Variants in DDHD2 observed in about 807,000 individuals in gnomAD.
DDHD2 encodes DDHD domain containing 2, also known as triacylglycerol hydrolase DDHD2.
Under a neutral mutation model 91.2 loss-of-function variants are expected in DDHD2, and 62 were observed. The observed-to-expected ratio is 0.68, with a 90% CI of 0.55 to 0.84. The LOEUF (loss-of-function observed/expected upper bound fraction) is 0.84, where lower values mean the gene tolerates loss of function less well. Ranked by LOEUF, DDHD2 falls within the 40% of genes least tolerant of loss-of-function variation. The probability of loss-of-function intolerance (pLI) is 0.00; values close to 1 mark genes in which losing one functional copy is unlikely to be tolerated. For synonymous variants in DDHD2, 271 were observed against 293.9 expected (o/e 0.92, Z 0.80); for missense variants, 740 against 846.9 (o/e 0.87, Z 1.57).
chr8:38,272,820 A>G (rs1412702238), downstream of DDHD2: 2 of 152,234 alleles, frequency 1.3e-5, no homozygotes, highest in African/African-American at 2.4e-5. Flanking sequence ...GGAATATTTC[A>G]TTGGTGTATC....
At chr8:38,268,716 C>G (rs1394129909) in intron 1 of DDHD2, 1 of 1,433,432 alleles carries the variant, frequency 7.0e-7, no homozygotes, top group East Asian at 2.5e-5. Flanking sequence ...ACCCTCCTCT[C>G]TCAATCAGGA....
chr8:38,245,607 C>T, intron 7 of DDHD2, 135 bp from the exon 8 acceptor site: 2 of 794,402 alleles, frequency 2.5e-6, no homozygotes, highest in Non-Finnish European at 2.0e-6. Context: ...ACACATGTTC[C>T]TTTGTCCTCT....
At position 38,237,633 on chromosome 8, in the gene DDHD2, A is replaced by G; in HGVS notation, c.501+6A>G. 5 of 1,496,978 alleles carry G rather than the reference A, an allele frequency of 3.3e-6. No individual in the cohort carries two copies. The highest frequency in any genetic ancestry group is 4.6e-6 in the Non-Finnish European group (5 of 1,096,354). The allele number at this position is 1,496,978 out of a possible 1,614,324, so 92.7% of individuals were successfully genotyped here. ...TTATTTTACACAATCCAAAGGTAAA[A>G]CAAAGCATTTCTCTTGTCGGGATAA... On this transcript the variant is annotated splice_donor_region_variant and intron_variant, in intron 4 of 17. Coordinates refer to ENST00000397166, the MANE Select transcript of DDHD2 (RefSeq NM_015214.3).
chr8:38,263,254 A>G (rs1807175751), downstream of DDHD2: 2 of 306,748 alleles, frequency 6.5e-6, no homozygotes, highest in Non-Finnish European at 9.5e-6. Flanking sequence ...TGTAGGTCCT[A>G]TGGCATCCAT....
chr8:38,267,033 T>C (rs1807720062), downstream of DDHD2: 1 of 1,408,256 alleles, frequency 7.1e-7, no homozygotes, highest in Non-Finnish European at 9.2e-7. Flanking sequence ...TCTAGGCAAA[T>C]AATATAACAA....
Position 38,252,715 on chromosome 8 carries a change from T to G in DDHD2, c.1618-7T>G. On this transcript the variant is annotated splice_polypyrimidine_tract_variant and splice_region_variant and intron_variant, in intron 13 of 17. Transcript: ENST00000397166. ...AGGTAAATGTAGCTCTTGTTTTTCC[T>G]ATGTAGTTTGATCCTGTGGCCTATA... The G allele has an allele frequency of 6.2e-7, 1 of 1,607,414 alleles. No individual in the cohort carries two copies. The highest frequency in any genetic ancestry group is 8.5e-7 in the Non-Finnish European group (1 of 1,174,196).
chr8:38,251,148 G>A (rs1000126308), intron 11 of DDHD2: 7 of 152,214 alleles, frequency 4.6e-5, no homozygotes, highest in Non-Finnish European at 8.8e-5. Context: ...CTGGATTCAA[G>A]TGATTCTCCT....
chr8:38,257,423 A>G (rs1041159966), intron 16 of DDHD2, among the ~76,000 whole-genome samples: 2 of 148,156 alleles, frequency 1.3e-5, no homozygotes, highest in Non-Finnish European at 3.0e-5. Flanking sequence ...TAATTTTTGT[A>G]TTGTTAGTAG....
intron 11 of DDHD2, chr8:38,250,753 TAA>T (rs1190653721): frequency 6.6e-6 from 1 of 152,166 alleles, no homozygotes; most frequent in Non-Finnish European, 1.5e-5. Flanking sequence ...TAGAGTTATG[TAA>T]CCATTACCAC....
intron 3 of DDHD2, among the ~76,000 whole-genome samples, chr8:38,235,041 A>G (rs1804604320): frequency 6.6e-6 from 1 of 152,182 alleles, no homozygotes; most frequent in Non-Finnish European, 1.5e-5. Context: ...GACGGTTTGT[A>G]AAGTAGGTAG....
downstream of DDHD2, chr8:38,273,224 C>G (rs1309522442): frequency 2.6e-5 from 4 of 152,190 alleles, no homozygotes; most frequent in African/African-American, 9.7e-5. Flanking sequence ...TCTCAAACTC[C>G]TGACCTCATG....
In DDHD2 at chr8:38,249,785, C is replaced by T. The variant is rs756016537; in HGVS notation, c.1326C>T (p.Ser442=). 1 of 1,609,880 alleles carries T rather than the reference C, an allele frequency of 6.2e-7. No homozygotes were observed. The highest frequency in any genetic ancestry group is 8.5e-7 in the Non-Finnish European group (1 of 1,176,838). The change falls in exon 11 of 18, where the codon AGC becomes AGT. Residue 442 remains serine (S), a synonymous_variant. Transcript: ENST00000397166. ...GPRKKILNYF[S]TRKNSMGIKR... ...GAAAGAAGATATTAAACTATTTCAG[C>T]ACCAGAAAAAACTCAATGGTATGTG...
intron 1 of DDHD2, chr8:38,268,534 T>C (rs558397843): frequency 6.5e-7 from 1 of 1,536,148 alleles, no homozygotes; most frequent in African/African-American, 1.4e-5. Context: ...GAAAGAGGGA[T>C]GTGACACAGC....
At chr8:38,248,204 C>G (rs1288013299) in intron 10 of DDHD2, among the ~76,000 whole-genome samples, 1 of 152,062 alleles carries the variant, frequency 6.6e-6, no homozygotes, top group Non-Finnish European at 1.5e-5. Flanking sequence ...CGCCACCACG[C>G]CTGGCTAATT....
chr8:38,247,819 T>C lies in DDHD2; in HGVS notation c.1232T>C (p.Val411Ala). Residue 411 changes from valine (V) to alanine (A), a missense_variant, in exon 10 of 18, where the codon GTA (valine) becomes GCA (alanine). Physicochemically the swap from Val to Ala is moderately conservative, Grantham distance 64. This residue lies in a region of DDHD2 where 693 missense variants were observed against 764.2 expected (regional missense o/e 0.91). Coordinates refer to ENST00000397166, the MANE Select transcript of DDHD2 (RefSeq NM_015214.3). Reference sequence around the variant, plus strand: ...TTTGATATCTTTGAGAAGGAGAAAGTAGATAAGGAAGCTCTGGTAAAAATA... The same window carrying C: ...TTTGATATCTTTGAGAAGGAGAAAGCAGATAAGGAAGCTCTGGTAAAAATA... ...EFFDIFEKEK[V>A]DKEALALCTD... 6.4e-7 allele frequency: 1 copy of C among 1,565,990 alleles called. No individual in the cohort carries two copies. The highest frequency in any genetic ancestry group is 8.6e-7 in the Non-Finnish European group (1 of 1,163,502).
intron 7 of DDHD2, among the ~76,000 whole-genome samples, chr8:38,244,322 G>T (rs1805458681): frequency 6.6e-6 from 1 of 152,012 alleles, no homozygotes; most frequent in South Asian, 2.1e-4. Context: ...GAGTGCAGTG[G>T]CACGGTCTCG....
At chr8:38,235,856 C>CA (rs997660131) in intron 3 of DDHD2, among the ~76,000 whole-genome samples, 64 of 139,748 alleles carry the variant, frequency 4.6e-4, no homozygotes, top group Middle Eastern at 3.5e-3. Flanking sequence ...CCCACCACTA[C>CA]AAAAAAAAGT....
intron 1 of DDHD2, chr8:38,270,211 TATTA>T (rs1257498954): frequency 1.3e-5 from 2 of 152,230 alleles, no homozygotes; most frequent in Non-Finnish European, 2.9e-5. Flanking sequence ...GATGCTTTGT[TATTA>T]AAGACTCAAG....
At chr8:38,264,580 C>A, downstream of DDHD2, 1 of 1,593,136 alleles carries the variant, frequency 6.3e-7, no homozygotes, top group Non-Finnish European at 8.6e-7. Context: ...AAATGTCATT[C>A]CAATCATGGA....
Sources: allele counts gnomAD v4.1 joint callset (sites outside exome capture counted in the v4.1 genomes callset), GRCh38; gene constraint gnomAD v4.1.1; regional missense constraint gnomAD v4.1.1; transcripts MANE v1.5; gene names NCBI Gene and HGNC (gene_info 2026-07-23, HGNC 2026-07-21).